Variants in SRRM3 observed in about 807,000 individuals in gnomAD.
SRRM3 encodes the protein serine/arginine repetitive matrix protein 3.
SRRM3 carries 27 observed loss-of-function variants against 66.2 expected under a neutral mutation model. The ratio of observed to expected loss-of-function variants is 0.41; its 90% CI spans 0.30 to 0.56. The LOEUF (loss-of-function observed/expected upper bound fraction) is 0.56. Among genes scored for constraint, SRRM3 ranks in the 20% least tolerant of loss-of-function variants. The pLI, the probability that SRRM3 is intolerant of heterozygous loss-of-function variation, is 0.32. For missense variants in SRRM3, 918 were observed against 991.9 expected (o/e 0.93, Z 1.00); for synonymous variants, 391 against 414.9 (o/e 0.94, Z 0.70).
At chr7:76,276,775 G>A (rs1487926608) in intron 11 of SRRM3, among the ~76,000 whole-genome samples, 3 of 152,178 alleles carry the variant, frequency 2.0e-5, no homozygotes, top group Admixed American at 6.5e-5. Context: ...CCAGAGGGAT[G>A]GGTGGAGAAG....
chr7:76,281,844 C>A, intron 12 of SRRM3, 42 bp downstream of exon 12: 1 of 1,206,392 alleles, frequency 8.3e-7, no homozygotes, highest in South Asian at 2.1e-5. Flanking sequence ...GCCCCCACCC[C>A]GCACAGGGCT....
chr7:76,203,964 G>A (rs10235228), intron 1 of SRRM3, among the ~76,000 whole-genome samples: 15,247 of 152,128 alleles, frequency 0.1, 824 homozygotes, highest in South Asian at 0.17. Context: ...GGTAGAATGT[G>A]CCTTGAACCG....
intron 11 of SRRM3, among the ~76,000 whole-genome samples, chr7:76,273,928 G>C (rs782356574): frequency 6.6e-6 from 1 of 151,612 alleles, no homozygotes; most frequent in Non-Finnish European, 1.5e-5. Flanking sequence ...CCTCCTTCAC[G>C]CCTTCTTTCT....
chr7:76,212,283 G>A, intron 1 of SRRM3, among the ~76,000 whole-genome samples: 1 of 150,344 alleles, frequency 6.7e-6, no homozygotes, highest in East Asian at 1.9e-4. Context: ...CAAGTAGCTG[G>A]GACCACAGGT....
At chr7:76,251,593 C>T (rs1801583831) in intron 3 of SRRM3, among the ~76,000 whole-genome samples, 1 of 151,974 alleles carries the variant, frequency 6.6e-6, no homozygotes, top group African/African-American at 2.4e-5. Flanking sequence ...CCAGGATGGT[C>T]CCGATCTCCT....
At chr7:76,208,321 T>C (rs1563604167) in intron 1 of SRRM3, among the ~76,000 whole-genome samples, 1 of 151,982 alleles carries the variant, frequency 6.6e-6, no homozygotes, top group African/African-American at 2.4e-5. Flanking sequence ...GTAAAATGGA[T>C]ATAATGATAC....
chr7:76,230,147 A>G (rs1800977054), intron 1 of SRRM3, among the ~76,000 whole-genome samples: 1 of 152,100 alleles, frequency 6.6e-6, no homozygotes, highest in South Asian at 2.1e-4. Context: ...AGTGAATTTG[A>G]TTGTCAGACT....
At chr7:76,217,133 G>T (rs1310107296) in intron 1 of SRRM3, among the ~76,000 whole-genome samples, 1 of 152,154 alleles carries the variant, frequency 6.6e-6, no homozygotes, top group Non-Finnish European at 1.5e-5. Context: ...TAGGGTAGGG[G>T]TACACATCAC....
At chr7:76,243,759 T>C (rs1037838564) in intron 2 of SRRM3, among the ~76,000 whole-genome samples, 1 of 152,082 alleles carries the variant, frequency 6.6e-6, no homozygotes, top group Admixed American at 6.6e-5. Context: ...CCAGTCTCTG[T>C]CTCCCTCTGT....
chr7:76,277,545 A>C (rs1802378423), intron 11 of SRRM3, among the ~76,000 whole-genome samples: 1 of 151,818 alleles, frequency 6.6e-6, no homozygotes, highest in Non-Finnish European at 1.5e-5. Flanking sequence ...AATACAAAAA[A>C]ATTAGCTTGA....
chr7:76,216,042 C>T (rs551214051), intron 1 of SRRM3, among the ~76,000 whole-genome samples: 12 of 151,698 alleles, frequency 7.9e-5, no homozygotes, highest in African/African-American at 2.9e-4. Flanking sequence ...CTCCTGACCT[C>T]GTGATCTGCC....
intron 1 of SRRM3, among the ~76,000 whole-genome samples, chr7:76,213,606 T>A (rs1267127704): frequency 6.6e-6 from 1 of 152,076 alleles, no homozygotes; most frequent in Non-Finnish European, 1.5e-5. Flanking sequence ...GCCTGGCATC[T>A]AGGAGGTACT....
chr7:76,269,083 C>A (rs139038465), intron 11 of SRRM3: 4 of 152,466 alleles, frequency 2.6e-5, no homozygotes, highest in East Asian at 3.9e-4. Context: ...ACCTCCACCC[C>A]CTCCCCAATG....
chr7:76,255,922 G>A (rs1279867195), intron 3 of SRRM3, among the ~76,000 whole-genome samples: 2 of 152,080 alleles, frequency 1.3e-5, no homozygotes, highest in East Asian at 1.9e-4. Context: ...TAGCAGCAAC[G>A]GCCCCTCTGT....
At position 76,286,677 on chromosome 7, in the gene SRRM3, A is replaced by C. The variant is rs1802684509; in HGVS notation, c.*834A>C. 6.6e-6 allele frequency: 1 copy of C among 152,336 alleles called. No homozygotes were observed. Among genetic ancestry groups the C allele is most frequent in the Non-Finnish European group, 1.5e-5 (1 of 68,108 alleles). 9.4% of individuals were successfully genotyped at this position (152,336 alleles called of 1,614,324 possible). A position where few individuals can be genotyped will look rare whatever the true frequency, so the allele number is the denominator to read the frequency against. ...CAGGTACATTTGACCCTGAGGTTAA[A>C]AGGGGTTCAGGTCAAGAGGTGGGAG... On this transcript the variant is annotated 3_prime_UTR_variant, in exon 15 of 15. Coordinates refer to ENST00000611745, the MANE Select transcript of SRRM3 (RefSeq NM_001110199.3).
chr7:76,267,527 T>C, intron 11 of SRRM3, 92 bp downstream of exon 11: 2 of 203,950 alleles, frequency 9.8e-6, no homozygotes, highest in Admixed American at 8.0e-5. Context: ...GGGCGATAAG[T>C]GTGGCATGGG....
intron 1 of SRRM3, among the ~76,000 whole-genome samples, chr7:76,224,869 C>T (rs1217976259): frequency 1.3e-5 from 2 of 152,094 alleles, no homozygotes; most frequent in African/African-American, 4.8e-5. Context: ...TTGAGGACTT[C>T]CCGAGTAAAA....
At chr7:76,205,261 G>A (rs1466971139) in intron 1 of SRRM3, among the ~76,000 whole-genome samples, 1 of 152,142 alleles carries the variant, frequency 6.6e-6, no homozygotes, top group Non-Finnish European at 1.5e-5. Context: ...CCAGGCTGGA[G>A]TGCAGTGGTG....
intron 14 of SRRM3, among the ~76,000 whole-genome samples, chr7:76,284,841 A>G (rs1554612521): frequency 6.6e-6 from 1 of 152,162 alleles, no homozygotes; most frequent in Non-Finnish European, 1.5e-5. Flanking sequence ...AGCGGGAGGT[A>G]GCTGAGTGAG....
Sources: gnomAD v4.1 joint callset for allele counts (sites outside exome capture counted in the v4.1 genomes callset) on GRCh38, gnomAD v4.1.1 for gene constraint, MANE v1.5 for transcripts, NCBI Gene and HGNC (gene_info 2026-07-23, HGNC 2026-07-21) for gene names.